Variants in FSTL5 observed in about 807,000 individuals in gnomAD.
The protein encoded by FSTL5 is follistatin-related protein 5.
In FSTL5, 62 loss-of-function variants were observed where a neutral mutation model predicts 89.1. The ratio of observed to expected loss-of-function variants is 0.70; its 90% confidence interval spans 0.57 to 0.86. FSTL5 has a LOEUF of 0.86. FSTL5 is among the 40% of genes least tolerant of loss of function. FSTL5 has a pLI of 0.00. For synonymous variants in FSTL5, 383 were observed against 346.2 expected, an observed-to-expected ratio of 1.11 and a Z score of -1.18; for missense variants, 1,057 against 1,001.6, an observed-to-expected ratio of 1.06 and a Z score of -0.75.
In FSTL5 at chr4:161,614,915, G is replaced by A. The variant is rs191624996; in HGVS notation, c.895-27340C>T. Among the ~76,000 whole-genome samples the A allele has an allele frequency of 2.5e-3, 380 of 152,076 alleles. 3 individuals carry two copies. Among genetic ancestry groups the A allele is most frequent in the African/African-American group, 9.0e-3 (372 of 41,516 alleles). ...TAATTATCTATTGCTACCTCTTATG[G>A]AACCTCAAATAGAAAAATTCATTGA... On this transcript the variant is annotated intron_variant, in intron 7 of 15. Transcript: ENST00000306100.
At chr4:161,418,368 T>C (rs188350768) in intron 15 of FSTL5, among the ~76,000 whole-genome samples, 1 of 152,294 alleles carries the variant, frequency 6.6e-6, no homozygotes, top group African/African-American at 2.4e-5. Context: ...ATCATACAAA[T>C]GCATGACAAT....
chr4:161,427,301 G>T (rs2126329951), intron 15 of FSTL5, among the ~76,000 whole-genome samples: 1 of 152,314 alleles, frequency 6.6e-6, no homozygotes, highest in South Asian at 2.1e-4. Flanking sequence ...CCTCTGGGGA[G>T]CTTAATTTGA....
intron 7 of FSTL5, among the ~76,000 whole-genome samples, chr4:161,644,792 G>A (rs72687600): frequency 0.16 from 23,603 of 152,116 alleles, 2,102 homozygotes; most frequent in East Asian, 0.32. Flanking sequence ...GGTTGAAAGC[G>A]AAGGAGAAGT....
intron 7 of FSTL5, among the ~76,000 whole-genome samples, chr4:161,591,611 A>C (rs1481392793): frequency 6.6e-6 from 1 of 152,220 alleles, no homozygotes; most frequent in Non-Finnish European, 1.5e-5. Flanking sequence ...ATCAAAAAAG[A>C]AAGAATAATT....
intron 3 of FSTL5, among the ~76,000 whole-genome samples, chr4:161,998,519 T>A (rs1170725683): frequency 6.6e-6 from 1 of 152,142 alleles, no homozygotes; most frequent in Non-Finnish European, 1.5e-5. Flanking sequence ...ATCCTTCACC[T>A]TTGTTTCAGC....
rs561598528 is a variant in FSTL5 at position 161,882,113 on chromosome 4, T to G, written c.409+38291A>C. ...AAATGATCAAAATATTCTTCTAACA[T>G]TTGATTAAATAATACTCAATCTAAT... On this transcript the variant is annotated intron_variant, in intron 4 of 15. Coordinates refer to ENST00000306100, the MANE Select transcript of FSTL5 (RefSeq NM_020116.5). Among the ~76,000 whole-genome samples the G allele has an allele frequency of 2.6e-5, 4 of 152,278 alleles. No homozygotes were observed. In the East Asian group the frequency reaches 7.7e-4, roughly 29 times the overall value.
At chr4:161,833,176 T>G (rs920989886) in intron 4 of FSTL5, among the ~76,000 whole-genome samples, 1 of 151,984 alleles carries the variant, frequency 6.6e-6, no homozygotes. Context: ...TCAGTATCCA[T>G]GTAGTTGAGC....
At chr4:161,437,568 A>AAAAAAAAAAAAAAAAAAAAAAAAC in intron 15 of FSTL5, among the ~76,000 whole-genome samples, 1 of 106,166 alleles carries the variant, frequency 9.4e-6, no homozygotes, top group African/African-American at 2.9e-5. Flanking sequence ...TCCGTCTCAA[A>AAAAAAAAAAAAAAAAAAAAAAAAC]AAAAAAAAAA....
intron 4 of FSTL5, among the ~76,000 whole-genome samples, chr4:161,792,362 A>G (rs1349572109): frequency 2.6e-5 from 4 of 152,072 alleles, no homozygotes; most frequent in Non-Finnish European, 5.9e-5. Flanking sequence ...GCCTGGGTGC[A>G]TGGACACCAT....
intron 3 of FSTL5, among the ~76,000 whole-genome samples, chr4:161,958,359 T>C (rs1735080931): frequency 6.6e-6 from 1 of 152,144 alleles, no homozygotes; most frequent in Non-Finnish European, 1.5e-5. Context: ...TGGTATACTT[T>C]CCTGATTCTT....
intron 10 of FSTL5, among the ~76,000 whole-genome samples, chr4:161,521,635 T>TC (rs1731029575): frequency 6.6e-6 from 1 of 151,630 alleles, no homozygotes; most frequent in Admixed American, 6.6e-5. Flanking sequence ...GATCACAAGG[T>TC]CAGGAGATCG....
chr4:161,971,669 T>C (rs2111015448), intron 3 of FSTL5, among the ~76,000 whole-genome samples: 1 of 152,284 alleles, frequency 6.6e-6, no homozygotes, highest in African/African-American at 2.4e-5. Context: ...TGAGCTTAAA[T>C]GTCAGCACAC....
At chr4:162,136,355 G>C (rs1245236450) in intron 1 of FSTL5, among the ~76,000 whole-genome samples, 1 of 152,068 alleles carries the variant, frequency 6.6e-6, no homozygotes, top group African/African-American at 2.4e-5. Flanking sequence ...AGATCAGTCT[G>C]AAGGATTCAC....
chr4:161,730,870 C>T (rs1330912502), intron 6 of FSTL5, among the ~76,000 whole-genome samples: 1 of 152,060 alleles, frequency 6.6e-6, no homozygotes, highest in Non-Finnish European at 1.5e-5. Flanking sequence ...TTAATAAAAA[C>T]ACGAATATTC....
At chr4:161,747,204 A>AATAAT (rs1560822614) in intron 6 of FSTL5, among the ~76,000 whole-genome samples, 1 of 152,232 alleles carries the variant, frequency 6.6e-6, no homozygotes, top group Non-Finnish European at 1.5e-5. Flanking sequence ...TGTGACTTGA[A>AATAAT]ATATTAATCT....
chr4:161,513,272 G>A (rs1291283532), intron 10 of FSTL5, among the ~76,000 whole-genome samples: 2 of 109,978 alleles, frequency 1.8e-5, no homozygotes, highest in African/African-American at 3.5e-5. Flanking sequence ...ACAAGGAGGG[G>A]GAGAGAGAGA....
Position 161,474,780 on chromosome 4 carries a change from C to T in FSTL5, c.1608+6240G>A, listed in dbSNP as rs372951984. On this transcript the variant is annotated intron_variant, in intron 13 of 15. Transcript: ENST00000306100. ...CAGGATGGTCTCAATCTCCTGACCT[C>T]ATGATCCACCCACCTCAGCCTCCCA... Among the ~76,000 whole-genome samples, 5 of 152,182 alleles carry T rather than the reference C, an allele frequency of 3.3e-5. No homozygotes were observed. In the East Asian group the frequency reaches 9.7e-4, roughly 30 times the overall value.
In FSTL5 at chr4:161,415,705, G is replaced by C. The variant is rs768123299; in HGVS notation, c.1842-29256C>G. Among the ~76,000 whole-genome samples, 10 of 147,502 alleles carry C rather than the reference G, an allele frequency of 6.8e-5. No individual in the cohort carries two copies. The South Asian group carries it at 8.6e-4, about 13-fold the overall frequency. On this transcript the variant is annotated intron_variant, in intron 15 of 15. Coordinates refer to ENST00000306100, the MANE Select transcript of FSTL5 (RefSeq NM_020116.5). ...AAAGAGAGAGAAAGAGAGAGAGAGA[G>C]AACATATATATATATGGGAGATATA...
intron 3 of FSTL5, among the ~76,000 whole-genome samples, chr4:161,986,388 A>G (rs1297855014): frequency 6.6e-6 from 1 of 152,130 alleles, no homozygotes; most frequent in African/African-American, 2.4e-5. Flanking sequence ...TGTCTCTACT[A>G]AAAATATAAA....
Sources: gnomAD v4.1 joint callset for allele counts (sites outside exome capture counted in the v4.1 genomes callset) on GRCh38, gnomAD v4.1.1 for gene constraint, MANE v1.5 for transcripts, NCBI Gene and HGNC (gene_info 2026-07-23, HGNC 2026-07-21) for gene names.